The following CELF3 variants were observed in gnomAD, a reference collection of about 807,000 sequenced individuals.
The protein encoded by CELF3 is CUGBP Elav-like family member 3.
CELF3 carries 26 observed loss-of-function variants against 59.6 expected under a neutral mutation model. That is an observed-to-expected ratio of 0.44 (90% CI 0.32 to 0.61). The LOEUF is 0.61. Among genes scored for constraint, CELF3 ranks in the 20% least tolerant of loss-of-function variants. CELF3 has a pLI of 0.06. For missense variants in CELF3, 387 were observed against 627.2 expected (o/e 0.62, Z 4.09); for synonymous variants, 245 against 250.7 (o/e 0.98, Z 0.22).
chr1:151,706,026 C>A, intron 10 of CELF3, 61 bp from the exon 11 acceptor site: 1 of 1,604,452 alleles, frequency 6.2e-7, no homozygotes, highest in Non-Finnish European at 8.5e-7. Context: ...ACCCCAGAAG[C>A]AAATGTCCCA....
At chr1:151,707,471 G>A in intron 7 of CELF3, 36 bp downstream of exon 7, 1 of 1,608,210 alleles carries the variant, frequency 6.2e-7, no homozygotes, top group Non-Finnish European at 8.5e-7. Flanking sequence ...CCCCTACCAT[G>A]CTTAGCTCCC....
In CELF3 at chr1:151,702,893, C is replaced by G. The variant is rs567755304; in HGVS notation, c.*566G>C. ...AGAGAGGCAGCCCTCAGGGCTCCCC[C>G]ACACCCTCCTTAGAGGGGGCCCTTG... On this transcript the variant is annotated 3_prime_UTR_variant, in exon 13 of 13. Transcript: ENST00000290583. 1 of 288,702 alleles carries G rather than the reference C, an allele frequency of 3.5e-6. No individual in the cohort carries two copies. Among genetic ancestry groups the G allele is most frequent in the Non-Finnish European group, 7.0e-6 (1 of 142,852 alleles). 17.9% of individuals were successfully genotyped at this position (288,702 alleles called of 1,614,324 possible). A position where few individuals can be genotyped will look rare whatever the true frequency, so the allele number is the denominator to read the frequency against.
chr1:151,706,557 G>T lies in CELF3; in HGVS notation c.988+112C>A, dbSNP rs1672560455. 2.3e-6 allele frequency: 3 copies of T among 1,299,266 alleles called. No homozygotes were observed. The Admixed American group carries it at 6.0e-5, about 26-fold the overall frequency. 80.5% of individuals were successfully genotyped at this position (1,299,266 alleles called of 1,614,324 possible). A position where few individuals can be genotyped will look rare whatever the true frequency, so the allele number is the denominator to read the frequency against. On this transcript the variant is annotated intron_variant, in intron 9 of 12. Coordinates refer to ENST00000290583, the MANE Select transcript of CELF3 (RefSeq NM_007185.7). Reference sequence around the variant, plus strand: ...CCCCACAGTTGGGCTTGTCAGTAAAGCCTGAAGAGGGTGATTGGCAGGGAG... The same window carrying T: ...CCCCACAGTTGGGCTTGTCAGTAAATCCTGAAGAGGGTGATTGGCAGGGAG...
Position 151,714,371 on chromosome 1 carries a change from T to C in CELF3, c.228+223A>G, listed in dbSNP as rs1049458082. 12 of 622,522 alleles carry C rather than the reference T, an allele frequency of 1.9e-5. No homozygotes were observed. The African/African-American group carries it at 2.2e-4, about 11-fold the overall frequency. 38.6% of individuals were successfully genotyped at this position (622,522 alleles called of 1,614,324 possible). On this transcript the variant is annotated intron_variant, in intron 2 of 12. Coordinates refer to ENST00000290583, the MANE Select transcript of CELF3 (RefSeq NM_007185.7). Reference sequence around the variant, plus strand: ...GTGGGGAAGGGGCTGCATCTGCTCCTGGTAAAAGTCATGTTTACGCCACTA... The same window carrying C: ...GTGGGGAAGGGGCTGCATCTGCTCCCGGTAAAAGTCATGTTTACGCCACTA...
rs577991132 is a variant in CELF3 at position 151,716,167 on chromosome 1, A to G, written c.-147T>C. On this transcript the variant is annotated 5_prime_UTR_variant, in exon 1 of 13. Coordinates refer to ENST00000290583, the MANE Select transcript of CELF3 (RefSeq NM_007185.7). ...GGCCCCCAACCACGCTGCTAAGCAG[A>G]GGGGCGGCTCTTCACACAAAGGAGG... is the stretch of plus-strand genomic sequence containing the variant. The G allele has an allele frequency of 6.8e-5, 52 of 764,254 alleles. No homozygotes were observed. The African/African-American group carries it at 8.8e-4, about 13-fold the overall frequency. The allele number at this position is 764,254 out of a possible 1,614,324, so 47.3% of individuals were successfully genotyped here.
intron 9 of CELF3, 133 bp from the exon 10 acceptor site, chr1:151,706,494 G>A: frequency 8.5e-7 from 1 of 1,179,010 alleles, no homozygotes; most frequent in Non-Finnish European, 1.2e-6. Flanking sequence ...GGAAGGAGCT[G>A]CCTCAGACCC....
intron 5 of CELF3, chr1:151,708,297 C>T (rs1385134083): frequency 4.2e-6 from 1 of 235,574 alleles, no homozygotes; most frequent in Admixed American, 5.0e-5. Flanking sequence ...TTGTAGCTGC[C>T]CTGCGTGCCT....
In CELF3 at chr1:151,707,216, G is replaced by A. The variant is rs1238190688; in HGVS notation, c.851C>T (p.Pro284Leu). The A allele has an allele frequency of 1.3e-6, 2 of 1,546,260 alleles. No individual in the cohort carries two copies. Among genetic ancestry groups the A allele is most frequent in the Non-Finnish European group, 1.7e-6 (2 of 1,150,636 alleles). ...PAALGVNGYS[P>L]VPTQPTGQPA... ...CTGCCCAGTGGGCTGGGTGGGCACC[G>A]GGCTGTAGCCGTTGACGCCCAGGGC... Residue 284 changes from proline (P) to leucine (L), a missense_variant, in exon 8 of 13, where the codon CCG becomes CTG. Physicochemically the swap from Pro to Leu is moderately conservative, Grantham distance 98 (BLOSUM62 -3). Transcript: ENST00000290583.
Position 151,707,807 on chromosome 1 carries a change from G to T in CELF3, c.615C>A (p.Ser205Arg), listed in dbSNP as rs750652603. 6.2e-7 allele frequency: 1 copy of T among 1,613,614 alleles called. No homozygotes were observed. ...CAGTGCTCACGGCCTGGGTGTAGGC[G>T]CTGTAGGCTCCAAACTGGAGGGCGA... is the stretch of plus-strand genomic sequence containing the variant. ...SPIALQFGAY[S>R]AYTQALMQQQ... The change falls in exon 6 of 13, where the codon AGC becomes AGA. Residue 205 changes from serine (S) to arginine (R), a missense_variant. Physicochemically the swap from Ser to Arg is moderately radical, Grantham distance 110. Around this residue, in one of 3 missense-constraint regions of CELF3, gnomAD observed 208 missense variants for 354.8 expected, o/e 0.59. Coordinates refer to ENST00000290583, the MANE Select transcript of CELF3 (RefSeq NM_007185.7).
rs893344606 is a variant in CELF3, at chr1:151,716,566, T to C, written c.-546A>G. On this transcript the variant is annotated 5_prime_UTR_variant, in exon 1 of 13. Transcript: ENST00000290583. The stretch of plus-strand genomic sequence containing the variant: ...ACACCTCCCCTGTGGCGGATCCTTC[T>C]GCTGGGTCCGAAGATCCCTGATGCC... 2.9e-6 allele frequency: 1 copy of C among 344,192 alleles called. No individual in the cohort carries two copies. Among genetic ancestry groups the C allele is most frequent in the Non-Finnish European group, 5.9e-6 (1 of 170,804 alleles). The allele number at this position is 344,192 out of a possible 1,614,324, so 21.3% of individuals were successfully genotyped here.
intron 1 of CELF3, 131 bp downstream of exon 1, chr1:151,715,745 A>C (rs1036190853): frequency 1.9e-6 from 3 of 1,593,502 alleles, no homozygotes; most frequent in South Asian, 1.1e-5. Flanking sequence ...TCCTCCATCC[A>C]CTTTCCTCAG....
intron 1 of CELF3, chr1:151,715,531 C>A: frequency 9.6e-7 from 1 of 1,036,720 alleles, no homozygotes; most frequent in South Asian, 1.3e-5. Flanking sequence ...CGCACACACA[C>A]ACACACCCCT....
chr1:151,703,322 C>T lies in CELF3; in HGVS notation c.*137G>A, dbSNP rs1237516000. 4.4e-6 allele frequency: 2 copies of T among 453,008 alleles called. No individual in the cohort carries two copies. The highest frequency in any genetic ancestry group is 1.4e-4 in the East Asian group (2 of 14,320). The allele number at this position is 453,008 out of a possible 1,614,324, so 28.1% of individuals were successfully genotyped here. On this transcript the variant is annotated 3_prime_UTR_variant, in exon 13 of 13. Coordinates refer to ENST00000290583, the MANE Select transcript of CELF3 (RefSeq NM_007185.7). ...GGGTGGGAGGGGCCGGTGTCTTGTG[C>T]CCCCGGGGGCCACGAAGCAGCGTTT...
chr1:151,709,275 G>A lies in CELF3; in HGVS notation c.351C>T (p.Pro117=). Residue 117 remains proline (P), a synonymous_variant, in exon 4 of 13, where the codon CCC becomes CCT. Coordinates refer to ENST00000290583, the MANE Select transcript of CELF3 (RefSeq NM_007185.7). The surrounding 1 kb of genome is among the most constrained non-coding windows in gnomAD (Gnocchi z 4.9). ...TDEDVRKMFE[P]FGTIDECTVL... is the part of the protein sequence containing the mutation. ...CAGTGCACTCGTCGATGGTCCCGAA[G>A]GGCTCAAACATCTTCCGGACGTCCT... 1 of 1,614,054 alleles carries A rather than the reference G, an allele frequency of 6.2e-7. No individual in the cohort carries two copies. Among genetic ancestry groups the A allele is most frequent in the Non-Finnish European group, 8.5e-7 (1 of 1,179,962 alleles).
Position 151,702,005 on chromosome 1 carries a change from C to T in CELF3, c.*1454G>A, listed in dbSNP as rs1363638634. ...AAAATGAGGAAATGCACAATAAGGA[C>T]TTGGAACAGAATCACATATGGAGCA... is the stretch of plus-strand genomic sequence containing the variant. On this transcript the variant is annotated 3_prime_UTR_variant, in exon 13 of 13. Transcript: ENST00000290583. Among the ~76,000 whole-genome samples the T allele has an allele frequency of 6.6e-6, 1 of 152,208 alleles. No homozygotes were observed. The highest frequency in any genetic ancestry group is 1.5e-5 in the Non-Finnish European group (1 of 68,038).
intron 1 of CELF3, among the ~76,000 whole-genome samples, chr1:151,715,211 T>C (rs2101487945): frequency 6.6e-6 from 1 of 152,138 alleles, no homozygotes; most frequent in South Asian, 2.1e-4. Context: ...GTGTGGCCCC[T>C]GGGATCCCCG....
In CELF3 at chr1:151,707,197, A is replaced by G. The variant is rs1672633487; in HGVS notation, c.870T>C (p.Thr290=). The stretch of plus-strand genomic sequence containing the variant: ...ACAGAGCATCAGGGGCAGGCTGCCC[A>G]GTGGGCTGGGTGGGCACCGGGCTGT... ...NGYSPVPTQP[T]GQPAPDALYP... The change falls in exon 8 of 13, where the codon ACT becomes ACC. Residue 290 remains threonine, a synonymous_variant. Coordinates refer to ENST00000290583, the MANE Select transcript of CELF3 (RefSeq NM_007185.7). The G allele has an allele frequency of 2.6e-6, 4 of 1,533,614 alleles. No individual in the cohort carries two copies. Among genetic ancestry groups the G allele is most frequent in the Admixed American group, 5.0e-5 (2 of 40,398 alleles).
At chr1:151,704,894 T>C in intron 12 of CELF3, 137 bp downstream of exon 12, 5 of 909,522 alleles carry the variant, frequency 5.5e-6, no homozygotes, top group Non-Finnish European at 8.1e-6. Context: ...GCCCCCTGCT[T>C]CAAGTGCCCA....
chr1:151,712,815 T>A (rs75661115), intron 2 of CELF3, among the ~76,000 whole-genome samples: 5,024 of 152,090 alleles, frequency 0.033, 268 homozygotes, highest in African/African-American at 0.11. Context: ...CTGATTTTTT[T>A]AAAAAAACCT....
Sources: gnomAD v4.1 joint callset for allele counts (sites outside exome capture counted in the v4.1 genomes callset) on GRCh38, gnomAD v4.1.1 for gene constraint, gnomAD v4.1.1 regional missense constraint, Gnocchi (gnomAD v3.1) non-coding constraint, MANE v1.5 for transcripts, NCBI Gene and HGNC (gene_info 2026-07-23, HGNC 2026-07-21) for gene names.